Variants in KCNN2 observed in about 807,000 individuals in gnomAD.
KCNN2 encodes small conductance calcium-activated potassium channel protein 2.
KCNN2 carries 24 observed loss-of-function variants against 55.5 expected under a neutral mutation model. The ratio of observed to expected loss-of-function variants is 0.43; its 90% CI spans 0.31 to 0.61. KCNN2 has a LOEUF of 0.61. Ranked by LOEUF, KCNN2 falls within the 20% of genes least tolerant of loss-of-function variation. The pLI, the probability that KCNN2 is intolerant of heterozygous loss-of-function variation, is 0.08. For synonymous variants in KCNN2, 431 were observed against 336.1 expected (o/e 1.28, Z -3.09); for missense variants, 754 against 853.6 (o/e 0.88, Z 1.45).
At chr5:114,237,025 A>C (rs78592749) in intron 2 of KCNN2, among the ~76,000 whole-genome samples, 117 of 152,250 alleles carry the variant, frequency 7.7e-4, no homozygotes, top group African/African-American at 2.6e-3. Flanking sequence ...CTCTGTGGTG[A>C]ACAGTGCTGC....
At chr5:114,083,191 A>G (rs1043719364) in intron 1 of KCNN2, among the ~76,000 whole-genome samples, 1 of 152,004 alleles carries the variant, frequency 6.6e-6, no homozygotes, top group Non-Finnish European at 1.5e-5. Flanking sequence ...TTCTTAGTCT[A>G]TCTAGAGGTT....
chr5:114,432,548 G>A (rs935940992), intron 3 of KCNN2, among the ~76,000 whole-genome samples: 2 of 152,134 alleles, frequency 1.3e-5, no homozygotes, highest in African/African-American at 2.4e-5. Context: ...GCTCGCTCTC[G>A]GCGCCTCCTC....
chr5:114,134,886 C>G (rs574622492), intron 1 of KCNN2, among the ~76,000 whole-genome samples: 1 of 152,140 alleles, frequency 6.6e-6, no homozygotes, highest in Non-Finnish European at 1.5e-5. Context: ...CAGGGTAGCT[C>G]TATTCCAAAA....
chr5:114,244,541 G>A (rs56359956), intron 2 of KCNN2, among the ~76,000 whole-genome samples: 39,384 of 151,400 alleles, frequency 0.26, 5,643 homozygotes, highest in Non-Finnish European at 0.32. Flanking sequence ...AGGTTACAGC[G>A]AGCCGAGATC....
chr5:114,233,508 A>T lies in KCNN2; in HGVS notation c.-185+11943A>T, dbSNP rs192495666. Among the ~76,000 whole-genome samples, 819 of 152,270 alleles carry T rather than the reference A, an allele frequency of 5.4e-3. 5 individuals are homozygous for T. Among genetic ancestry groups the T allele is most frequent in the African/African-American group, 0.019 (776 of 41,546 alleles). ...ATAACACTCTCTCCTGATCATTTAC[A>T]TGTTTCTCCCTTGACTCTGTTTTAT... is the stretch of plus-strand genomic sequence containing the variant. On this transcript the variant is annotated intron_variant, in intron 2 of 10. Transcript: ENST00000512097.
At chr5:114,207,450 T>C (rs1580619020) in intron 1 of KCNN2, among the ~76,000 whole-genome samples, 1 of 152,218 alleles carries the variant, frequency 6.6e-6, no homozygotes, top group Non-Finnish European at 1.5e-5. Context: ...CCATACCTGG[T>C]TGGCTAACTT....
intron 2 of KCNN2, among the ~76,000 whole-genome samples, chr5:114,289,416 C>T (rs1460169363): frequency 6.7e-6 from 1 of 150,036 alleles, no homozygotes; most frequent in Non-Finnish European, 1.5e-5. Context: ...CTTTGTGGCC[C>T]AAGCATGGAG....
In KCNN2 at chr5:114,198,704, A is replaced by G. The variant is rs578128056; in HGVS notation, c.-270-22776A>G. Among the ~76,000 whole-genome samples the G allele has an allele frequency of 2.0e-4, 31 of 152,134 alleles. No individual in the cohort carries two copies. The South Asian group carries it at 5.2e-3, about 25-fold the overall frequency. On this transcript the variant is annotated intron_variant, in intron 1 of 10. Coordinates refer to the KCNN2 transcript ENST00000512097. Reference sequence around the variant, plus strand: ...ATTTTTGTTTTTAGTTTTTAAATACATGCTGTTTAATTTCCATGTATTTGT... The same window carrying G: ...ATTTTTGTTTTTAGTTTTTAAATACGTGCTGTTTAATTTCCATGTATTTGT...
intron 1 of KCNN2, among the ~76,000 whole-genome samples, chr5:114,085,599 A>AC (rs1333071938): frequency 6.6e-6 from 1 of 152,014 alleles, no homozygotes; most frequent in Non-Finnish European, 1.5e-5. Context: ...ATTCTGTTGT[A>AC]TAAAAAACAC....
intron 1 of KCNN2, among the ~76,000 whole-genome samples, chr5:114,153,401 C>G (rs13158223): frequency 6.6e-6 from 1 of 151,974 alleles, no homozygotes; most frequent in African/African-American, 2.4e-5. Context: ...GGACCCCTGT[C>G]AAGAACTGTG....
intron 2 of KCNN2, among the ~76,000 whole-genome samples, chr5:114,234,530 A>G (rs976104479): frequency 3.9e-5 from 6 of 152,254 alleles, no homozygotes; most frequent in Non-Finnish European, 8.8e-5. Context: ...AGCAAAACAT[A>G]TTCCAAATGA....
At chr5:114,089,318 C>T (rs1195898612) in intron 1 of KCNN2, among the ~76,000 whole-genome samples, 1 of 152,120 alleles carries the variant, frequency 6.6e-6, no homozygotes, top group East Asian at 1.9e-4. Flanking sequence ...GGCTAGTTTA[C>T]CTGTGAGATT....
chr5:114,334,558 CTT>C (rs1171957012), intron 2 of KCNN2, among the ~76,000 whole-genome samples: 1 of 151,788 alleles, frequency 6.6e-6, no homozygotes, highest in African/African-American at 2.4e-5. Flanking sequence ...TTTTAATAAA[CTT>C]AATCATTTTA....
intron 3 of KCNN2, among the ~76,000 whole-genome samples, chr5:114,413,367 C>G (rs924598985): frequency 6.6e-6 from 1 of 152,196 alleles, no homozygotes; most frequent in Non-Finnish European, 1.5e-5. Context: ...TCACTGCAAC[C>G]TCTGCCTCCT....
At position 114,435,441 on chromosome 5, in the gene KCNN2, A is replaced by G. The variant is rs868291211; in HGVS notation, c.1638-27608A>G. On this transcript the variant is annotated intron_variant, in intron 3 of 7. Coordinates refer to ENST00000673685, the MANE Select transcript of KCNN2 (RefSeq NM_021614.4). ...TGTGAGGATAGGAACGATGAGTCTC[A>G]AACTCCTTTGGGCCAGAAACTGGTA... 1.6e-4 allele frequency among the ~76,000 whole-genome samples: 25 copies of G among 152,226 alleles called. No homozygotes were observed. In the Middle Eastern group the frequency reaches 0.01, roughly 62 times the overall value.
intron 1 of KCNN2, among the ~76,000 whole-genome samples, chr5:114,162,414 TG>T (rs1386949061): frequency 6.6e-6 from 1 of 151,888 alleles, no homozygotes; most frequent in East Asian, 2.0e-4. Flanking sequence ...CCGCCCCTAC[TG>T]GGGGGTGCCT....
intron 1 of KCNN2, among the ~76,000 whole-genome samples, chr5:114,074,945 T>C (rs78776987): frequency 0.018 from 2,770 of 152,270 alleles, 96 homozygotes; most frequent in African/African-American, 0.063. Context: ...GCATTTCTTG[T>C]AAAAGTTATG....
At chr5:114,231,304 C>G (rs1018316079) in intron 2 of KCNN2, among the ~76,000 whole-genome samples, 1 of 108,150 alleles carries the variant, frequency 9.2e-6, no homozygotes, top group East Asian at 2.5e-4. Context: ...TCCCATTTGT[C>G]AATTTTGGCT....
intron 5 of KCNN2, among the ~76,000 whole-genome samples, chr5:114,478,895 GA>G (rs1439880083): frequency 1.3e-5 from 2 of 152,104 alleles, no homozygotes; most frequent in Non-Finnish European, 2.9e-5. Context: ...TCTCCTGAAG[GA>G]AGCACTAAAT....
Sources: gnomAD v4.1 joint callset for allele counts (sites outside exome capture counted in the v4.1 genomes callset) on GRCh38, gnomAD v4.1.1 for gene constraint, MANE v1.5 for transcripts, NCBI Gene and HGNC (gene_info 2026-07-23, HGNC 2026-07-21) for gene names.